The following SHQ1 variants were observed in gnomAD, a reference collection of about 807,000 sequenced individuals.
SHQ1 encodes the protein protein SHQ1 homolog.
SHQ1 carries 49 observed loss-of-function variants against 53.8 expected under a neutral mutation model. The observed-to-expected ratio is 0.91, with a 90% CI of 0.72 to 1.16. The LOEUF is 1.16. Among genes scored for constraint, SHQ1 ranks in the 50% most tolerant of loss-of-function variants. SHQ1 has a pLI of 0.00. For synonymous variants in SHQ1, 243 were observed against 251.0 expected, an observed-to-expected ratio of 0.97 and a Z score of 0.30; for missense variants, 738 against 683.1, an observed-to-expected ratio of 1.08 and a Z score of -0.90.
intron 8 of SHQ1, 139 bp downstream of exon 8, chr3:72,815,211 G>A: frequency 1.5e-6 from 1 of 673,308 alleles, no homozygotes; most frequent in Non-Finnish European, 2.5e-6. Context: ...TTATTAAAAA[G>A]ATGGAAAACA....
intron 10 of SHQ1, among the ~76,000 whole-genome samples, chr3:72,761,035 A>G (rs1216927403): frequency 1.3e-5 from 2 of 152,228 alleles, no homozygotes; most frequent in Admixed American, 6.5e-5. Flanking sequence ...ACTTTTCAAA[A>G]AAGTTTATGA....
chr3:72,726,641 C>T, the SHQ1 span, among the ~76,000 whole-genome samples: 1 of 152,134 alleles, frequency 6.6e-6, no homozygotes, highest in African/African-American at 2.4e-5. Context: ...TGTGAGCCAC[C>T]ACGCCGGGCC....
At chr3:72,779,970 C>T (rs1706038541) in intron 10 of SHQ1, among the ~76,000 whole-genome samples, 1 of 152,204 alleles carries the variant, frequency 6.6e-6, no homozygotes, top group South Asian at 2.1e-4. Context: ...CGAGGTGGCT[C>T]ATGCCTATAA....
intron 10 of SHQ1, among the ~76,000 whole-genome samples, chr3:72,784,574 T>C (rs548163541): frequency 3.9e-5 from 6 of 152,208 alleles, no homozygotes; most frequent in Non-Finnish European, 4.4e-5. Context: ...AAAGAGCAAC[T>C]TGACATGCCA....
At chr3:72,795,483 G>A (rs1575699462) in intron 9 of SHQ1, 1 of 152,154 alleles carries the variant, frequency 6.6e-6, no homozygotes, top group East Asian at 1.9e-4. Context: ...TGCCACACTA[G>A]CCATGTTACC....
chr3:72,779,645 G>A (rs1041411182), intron 10 of SHQ1, among the ~76,000 whole-genome samples: 1 of 152,120 alleles, frequency 6.6e-6, no homozygotes, highest in Non-Finnish European at 1.5e-5. Flanking sequence ...TGAATGAATG[G>A]ACTGATGAAC....
At chr3:72,819,436 A>T (rs554022245) in intron 6 of SHQ1, among the ~76,000 whole-genome samples, 1 of 152,158 alleles carries the variant, frequency 6.6e-6, no homozygotes, top group Admixed American at 6.5e-5. Flanking sequence ...ATGTAGTCAA[A>T]TATGTCCATT....
rs1182785538 is a variant in SHQ1, at chr3:72,790,488, A to T, written c.1181+2428T>A. Among the ~76,000 whole-genome samples the T allele has an allele frequency of 2.0e-5, 3 of 152,188 alleles. No homozygotes were observed. In the East Asian group the frequency reaches 5.8e-4, roughly 29 times the overall value. On this transcript the variant is annotated intron_variant, in intron 10 of 10. Coordinates refer to ENST00000325599, the MANE Select transcript of SHQ1 (RefSeq NM_018130.3). ...AAGAAAAATACATGGCTCTTTTCAA[A>T]CATAAAAATAAGGTGCTAGATTTCA... is the stretch of plus-strand genomic sequence containing the variant.
chr3:72,789,062 A>C (rs1290360872), intron 10 of SHQ1, among the ~76,000 whole-genome samples: 2 of 151,718 alleles, frequency 1.3e-5, no homozygotes, highest in African/African-American at 4.8e-5. Context: ...AGAAACACTC[A>C]AGAATGATCA....
At position 72,848,328 on chromosome 3, in the gene SHQ1, C is replaced by T; in HGVS notation, c.13G>A (p.Ala5Thr). MLTP[A>T]FDLSQDPDFL... ...TCCGGATCCTGGCTGAGGTCGAACG[C>T]CGGGGTCAGCATCGCCGCACCGGAC... Residue 5 changes from alanine to threonine, a missense_variant, in exon 1 of 11, where the codon GCG becomes ACG. Transcript: ENST00000325599. 2 of 1,614,054 alleles carry T rather than the reference C, an allele frequency of 1.2e-6. No homozygotes were observed. The highest frequency in any genetic ancestry group is 1.7e-6 in the Non-Finnish European group (2 of 1,179,988).
chr3:72,843,019 G>C (rs981805811), intron 2 of SHQ1, among the ~76,000 whole-genome samples: 5 of 151,728 alleles, frequency 3.3e-5, no homozygotes, highest in Admixed American at 3.3e-4. Flanking sequence ...AGAGGTTGCT[G>C]TGAGCCGAGA....
intron 3 of SHQ1, 37 bp from the exon 4 acceptor site, chr3:72,841,236 G>A (rs768328682): frequency 2.6e-6 from 4 of 1,541,108 alleles, no homozygotes; most frequent in Non-Finnish European, 3.5e-6. Flanking sequence ...TTAAGTATTG[G>A]ATTTAAGTAC....
intron 9 of SHQ1, chr3:72,795,194 T>A (rs1706568414): frequency 6.6e-6 from 1 of 152,178 alleles, no homozygotes; most frequent in Non-Finnish European, 1.5e-5. Context: ...CAATAAAGAA[T>A]GAATGAAGAA....
At chr3:72,813,333 G>A (rs1371719187) in intron 8 of SHQ1, among the ~76,000 whole-genome samples, 1 of 151,886 alleles carries the variant, frequency 6.6e-6, no homozygotes, top group East Asian at 1.9e-4. Flanking sequence ...CAGGTGTGGT[G>A]ACAGGCACCT....
intron 9 of SHQ1, among the ~76,000 whole-genome samples, chr3:72,801,981 G>A (rs1423078392): frequency 6.6e-6 from 1 of 152,154 alleles, no homozygotes; most frequent in African/African-American, 2.4e-5. Flanking sequence ...GACCAGCTGT[G>A]CAGCCCAGAG....
At chr3:72,840,048 A>G (rs908202566) in intron 4 of SHQ1, among the ~76,000 whole-genome samples, 12 of 151,948 alleles carry the variant, frequency 7.9e-5, no homozygotes, top group African/African-American at 2.9e-4. Flanking sequence ...GCACCACCAC[A>G]TCCGGCTAAT....
intron 9 of SHQ1, among the ~76,000 whole-genome samples, chr3:72,810,632 T>C (rs949040966): frequency 6.6e-6 from 1 of 152,186 alleles, no homozygotes; most frequent in African/African-American, 2.4e-5. Context: ...GAATTCATTC[T>C]TGGAAAACAC....
At chr3:72,763,063 A>T (rs553158556) in intron 10 of SHQ1, among the ~76,000 whole-genome samples, 11,101 of 87,968 alleles carry the variant, frequency 0.13, 1,192 homozygotes, top group African/African-American at 0.4. Context: ...ACACACACAC[A>T]GAGAGAGAGA....
At chr3:72,812,395 G>A (rs536910955) in intron 9 of SHQ1, among the ~76,000 whole-genome samples, 4 of 152,306 alleles carry the variant, frequency 2.6e-5, no homozygotes, top group South Asian at 4.2e-4. Flanking sequence ...ACTGAATGAT[G>A]CAGCTATTAT....
Sources: gnomAD v4.1 joint callset for allele counts (sites outside exome capture counted in the v4.1 genomes callset) on GRCh38, gnomAD v4.1.1 for gene constraint, MANE v1.5 for transcripts, NCBI Gene and HGNC (gene_info 2026-07-23, HGNC 2026-07-21) for gene names.